PTGFRN: variants seen among roughly 807,000 people sequenced by gnomAD.
PTGFRN encodes the protein prostaglandin F2 receptor negative regulator.
A neutral mutation model predicts 83.2 loss-of-function variants in PTGFRN; 35 were observed. That is an observed-to-expected ratio of 0.42 (90% confidence interval 0.32 to 0.56). The LOEUF (loss-of-function observed/expected upper bound fraction) is 0.56, where lower values mean the gene tolerates loss of function less well. Ranked by LOEUF, PTGFRN falls within the 20% of genes least tolerant of loss-of-function variation. The probability of loss-of-function intolerance (pLI) is 0.11; values close to 1 mark genes in which losing one functional copy is unlikely to be tolerated. For missense variants in PTGFRN, 1,051 were observed against 1,179.5 expected (o/e 0.89, Z 1.60); for synonymous variants, 519 against 498.6 (o/e 1.04, Z -0.55).
intron 1 of PTGFRN, among the ~76,000 whole-genome samples, chr1:116,919,531 G>A (rs1368105713): frequency 1.3e-5 from 2 of 152,100 alleles, no homozygotes; most frequent in Non-Finnish European, 2.9e-5. Context: ...CCCAGCAGCC[G>A]GAACCAGCTA....
intron 4 of PTGFRN, among the ~76,000 whole-genome samples, chr1:116,950,709 G>C (rs1397369097): frequency 6.6e-6 from 1 of 152,090 alleles, no homozygotes; most frequent in Non-Finnish European, 1.5e-5. Flanking sequence ...GGAGACAGAG[G>C]GGGCAGGGAG....
intron 1 of PTGFRN, among the ~76,000 whole-genome samples, chr1:116,910,573 G>C (rs1250672481): frequency 1.3e-5 from 2 of 151,996 alleles, no homozygotes; most frequent in African/African-American, 4.8e-5. Flanking sequence ...TGGCCGCCGG[G>C]AGCCCGGCTC....
At chr1:116,977,399 C>T (rs567390634) in intron 7 of PTGFRN, among the ~76,000 whole-genome samples, 1 of 152,282 alleles carries the variant, frequency 6.6e-6, no homozygotes, top group South Asian at 2.1e-4. Context: ...AACTCTCCAC[C>T]CCAAATCAAC....
At chr1:116,929,934 A>G (rs189005792) in intron 1 of PTGFRN, among the ~76,000 whole-genome samples, 2 of 152,258 alleles carry the variant, frequency 1.3e-5, no homozygotes, top group Admixed American at 1.3e-4. Flanking sequence ...TCCAGATCCC[A>G]TACCCGTCAT....
At position 116,952,917 on chromosome 1, in the gene PTGFRN, T is replaced by TG. The variant is rs879944676; in HGVS notation, c.1213+3346dup. On this transcript the variant is annotated intron_variant, in intron 4 of 8. Coordinates refer to ENST00000393203, the MANE Select transcript of PTGFRN (RefSeq NM_020440.4). This position sits in a 1 kb window ranked among gnomAD's most constrained non-coding sequence, Gnocchi z 4.0. ...AAGCTCAATTACTATGGGGGACAAA[T>TG]GATGCTTTGTGTTGATCCAATTTAG... Among the ~76,000 whole-genome samples the TG allele has an allele frequency of 2.6e-5, 4 of 152,234 alleles. No homozygotes were observed. Among genetic ancestry groups the TG allele is most frequent in the Non-Finnish European group, 5.9e-5 (4 of 68,040 alleles).
In PTGFRN at chr1:116,958,978, A is replaced by G. The variant is rs770676215; in HGVS notation, c.1214-2265A>G. On this transcript the variant is annotated intron_variant, in intron 4 of 8. Coordinates refer to ENST00000393203, the MANE Select transcript of PTGFRN (RefSeq NM_020440.4). The surrounding 1 kb of genome is among the most constrained non-coding windows in gnomAD (Gnocchi z 4.9). ...TAGTTGATGCTCAGTGTTCTGGGGC[A>G]GTCTTACCCTATGCACAGCTGGTGC... Among the ~76,000 whole-genome samples the G allele has an allele frequency of 4.6e-5, 7 of 152,228 alleles. No homozygotes were observed. The highest frequency in any genetic ancestry group is 7.3e-5 in the Non-Finnish European group (5 of 68,042).
intron 1 of PTGFRN, among the ~76,000 whole-genome samples, chr1:116,939,851 C>T (rs1650017718): frequency 6.6e-6 from 1 of 152,214 alleles, no homozygotes; most frequent in Non-Finnish European, 1.5e-5. Context: ...TAAATCATCT[C>T]TCTCAAGTTC....
At chr1:116,953,129 G>C (rs2101070715) in intron 4 of PTGFRN, among the ~76,000 whole-genome samples, 2 of 152,338 alleles carry the variant, frequency 1.3e-5, no homozygotes, top group East Asian at 3.9e-4. Context: ...ACAGGCTTTG[G>C]ATATAAGAGC....
intron 7 of PTGFRN, among the ~76,000 whole-genome samples, chr1:116,980,405 C>A (rs1174037094): frequency 6.6e-6 from 1 of 152,220 alleles, no homozygotes; most frequent in Non-Finnish European, 1.5e-5. Flanking sequence ...GACACATGCA[C>A]ATGTGTGTTT....
intron 4 of PTGFRN, among the ~76,000 whole-genome samples, chr1:116,957,747 G>T (rs1240704422): frequency 6.6e-6 from 1 of 152,032 alleles, no homozygotes; most frequent in Non-Finnish European, 1.5e-5. Context: ...CTGAAATTTT[G>T]CGTCCTTTGC....
chr1:116,974,134 T>C, intron 6 of PTGFRN, 82 bp from the exon 7 acceptor site: 1 of 1,066,496 alleles, frequency 9.4e-7, no homozygotes, highest in South Asian at 1.5e-5. Flanking sequence ...GAACCACATT[T>C]TGATGCCCCT....
At chr1:116,953,178 G>C (rs1225281680) in intron 4 of PTGFRN, among the ~76,000 whole-genome samples, 1 of 152,214 alleles carries the variant, frequency 6.6e-6, no homozygotes, top group Non-Finnish European at 1.5e-5. Context: ...TCAGTCTTAA[G>C]AACCTGATTT....
chr1:116,979,505 G>A (rs568556873), intron 7 of PTGFRN, among the ~76,000 whole-genome samples: 64 of 152,208 alleles, frequency 4.2e-4, no homozygotes, highest in Middle Eastern at 6.8e-3. Context: ...ACAGCATGGT[G>A]CTGGTACCAA....
At chr1:116,956,938 C>T (rs1206791563) in intron 4 of PTGFRN, among the ~76,000 whole-genome samples, 3 of 151,772 alleles carry the variant, frequency 2.0e-5, no homozygotes, top group Non-Finnish European at 2.9e-5. Context: ...GTAGAATGTG[C>T]GAGACTTAGG....
chr1:116,962,914 GA>G (rs1650706762), intron 5 of PTGFRN, among the ~76,000 whole-genome samples: 1 of 152,214 alleles, frequency 6.6e-6, no homozygotes, highest in Non-Finnish European at 1.5e-5. Context: ...TGTACATTAT[GA>G]TAGCACCTTC....
chr1:116,926,464 C>A (rs1253076650), intron 1 of PTGFRN, among the ~76,000 whole-genome samples: 1 of 152,194 alleles, frequency 6.6e-6, no homozygotes, highest in Non-Finnish European at 1.5e-5. Context: ...CCTTTTCTAT[C>A]TCTGGTCCTT....
chr1:116,954,789 T>A (rs141558579), intron 4 of PTGFRN, among the ~76,000 whole-genome samples: 1 of 152,308 alleles, frequency 6.6e-6, no homozygotes, highest in Non-Finnish European at 1.5e-5. Flanking sequence ...CTCCTCTAAC[T>A]TTTGCTTTTT....
At chr1:116,929,020 A>G (rs1649724421) in intron 1 of PTGFRN, among the ~76,000 whole-genome samples, 1 of 152,028 alleles carries the variant, frequency 6.6e-6, no homozygotes, top group Non-Finnish European at 1.5e-5. Flanking sequence ...CTGCACTTCC[A>G]CTTGGTGTCT....
chr1:116,934,113 C>A (rs1426402305), intron 1 of PTGFRN, among the ~76,000 whole-genome samples: 1 of 151,902 alleles, frequency 6.6e-6, no homozygotes, highest in Non-Finnish European at 1.5e-5. Flanking sequence ...ATAACTTTTA[C>A]TGACTTTTGT....
Sources: gnomAD v4.1 joint callset for allele counts (sites outside exome capture counted in the v4.1 genomes callset) on GRCh38, gnomAD v4.1.1 for gene constraint, Gnocchi (gnomAD v3.1) non-coding constraint, MANE v1.5 for transcripts, NCBI Gene and HGNC (gene_info 2026-07-23, HGNC 2026-07-21) for gene names.